TPST1: variants seen among roughly 807,000 people sequenced by gnomAD.
TPST1 encodes the protein tyrosylprotein sulfotransferase 1.
Under a neutral mutation model 34.8 loss-of-function variants are expected in TPST1, and 20 were observed. The ratio of observed to expected loss-of-function variants is 0.57; its 90% CI spans 0.40 to 0.84. TPST1 has a LOEUF of 0.84. Among genes scored for constraint, TPST1 ranks in the 40% least tolerant of loss-of-function variants. The pLI is 0.00. For synonymous variants in TPST1, 152 were observed against 159.4 expected, an observed-to-expected ratio of 0.95 and a Z score of 0.35; for missense variants, 353 against 455.5, an observed-to-expected ratio of 0.78 and a Z score of 2.05.
intron 1 of TPST1, among the ~76,000 whole-genome samples, chr7:66,228,430 A>C (rs1303626251): frequency 6.6e-6 from 1 of 152,214 alleles, no homozygotes; most frequent in East Asian, 1.9e-4. Flanking sequence ...GTGTAATTTA[A>C]AATAGTACAA....
At chr7:66,251,546 G>A (rs1790261840) in intron 2 of TPST1, among the ~76,000 whole-genome samples, 1 of 152,158 alleles carries the variant, frequency 6.6e-6, no homozygotes, top group Non-Finnish European at 1.5e-5. Flanking sequence ...AGGTAGTCTT[G>A]AAGTCATGAA....
intron 1 of TPST1, among the ~76,000 whole-genome samples, chr7:66,232,009 A>G (rs906931645): frequency 6.6e-6 from 1 of 152,212 alleles, no homozygotes; most frequent in African/African-American, 2.4e-5. Context: ...TTTTGTGGAT[A>G]TACCACATTT....
chr7:66,334,324 T>C (rs1792050814), intron 3 of TPST1, among the ~76,000 whole-genome samples: 2 of 151,998 alleles, frequency 1.3e-5, no homozygotes, highest in Admixed American at 1.3e-4. Flanking sequence ...GCATCACTCT[T>C]CCCACAAAAA....
At chr7:66,271,517 A>G (rs906248558) in intron 2 of TPST1, among the ~76,000 whole-genome samples, 2 of 152,096 alleles carry the variant, frequency 1.3e-5, no homozygotes, top group Admixed American at 6.6e-5. Context: ...CCTTTGACCT[A>G]CATCTCCCCA....
chr7:66,227,028 C>CTGTTTTTTTT (rs1789670063), intron 1 of TPST1, among the ~76,000 whole-genome samples: 1 of 69,198 alleles, frequency 1.4e-5, no homozygotes, highest in African/African-American at 6.7e-5. Context: ...TTAAAATAAG[C>CTGTTTTTTTT]TTTTTTTTTT....
chr7:66,355,230 T>C (rs1001027856), intron 4 of TPST1, among the ~76,000 whole-genome samples: 40 of 152,012 alleles, frequency 2.6e-4, no homozygotes, highest in Admixed American at 9.8e-4. Flanking sequence ...TCCCAGCACT[T>C]TGGGAGGCCA....
chr7:66,233,143 A>AT (rs1369948381), intron 1 of TPST1, among the ~76,000 whole-genome samples: 1 of 150,448 alleles, frequency 6.6e-6, no homozygotes, highest in Non-Finnish European at 1.5e-5. Flanking sequence ...ATTTTCTCCC[A>AT]TTTTTTGGTT....
At chr7:66,246,982 C>T (rs1337328353) in intron 2 of TPST1, among the ~76,000 whole-genome samples, 1 of 152,156 alleles carries the variant, frequency 6.6e-6, no homozygotes, top group East Asian at 1.9e-4. Flanking sequence ...TTATTGAGCA[C>T]CTACTATGTG....
intron 2 of TPST1, among the ~76,000 whole-genome samples, chr7:66,247,211 T>C (rs996017257): frequency 6.6e-6 from 1 of 152,198 alleles, no homozygotes; most frequent in Non-Finnish European, 1.5e-5. Flanking sequence ...GCAGATCACC[T>C]GAGGGCAGTA....
chr7:66,336,573 A>G (rs1426108892), intron 3 of TPST1, among the ~76,000 whole-genome samples: 1 of 152,202 alleles, frequency 6.6e-6, no homozygotes. Context: ...GAGCAAGAAT[A>G]AAAAAGGGTA....
chr7:66,241,052 G>A lies in TPST1; in HGVS notation c.627G>A (p.Arg209=). The A allele has an allele frequency of 1.2e-6, 2 of 1,614,160 alleles. No homozygotes were observed. Among genetic ancestry groups the A allele is most frequent in the Non-Finnish European group, 1.7e-6 (2 of 1,180,028 alleles). The change falls in exon 2 of 6, where the codon AGG becomes AGA. Residue 209 remains arginine (R), a synonymous_variant. Coordinates refer to ENST00000304842, the MANE Select transcript of TPST1 (RefSeq NM_003596.4). ...CTGGATTTGATCTGAACAGCTATAG[G>A]GACTGTTTGACAAAGTGGAATCGTG... ...TIAGFDLNSY[R]DCLTKWNRAI...
intron 2 of TPST1, among the ~76,000 whole-genome samples, chr7:66,279,935 A>G (rs967807672): frequency 1.3e-5 from 2 of 152,256 alleles, no homozygotes; most frequent in African/African-American, 4.8e-5. Flanking sequence ...TAAATGGAGC[A>G]GCACCAGCTG....
At chr7:66,345,047 A>C (rs1415948146) in intron 3 of TPST1, among the ~76,000 whole-genome samples, 1 of 152,026 alleles carries the variant, frequency 6.6e-6, no homozygotes, top group Non-Finnish European at 1.5e-5. Flanking sequence ...ATTAAAAAAA[A>C]TATGTGTATG....
chr7:66,337,609 G>A (rs984081078), intron 3 of TPST1, among the ~76,000 whole-genome samples: 3 of 151,950 alleles, frequency 2.0e-5, no homozygotes, highest in Non-Finnish European at 4.4e-5. Flanking sequence ...ATGTCCGGCC[G>A]ACAAAACTAT....
At chr7:66,353,617 C>A (rs555719273) in intron 4 of TPST1, among the ~76,000 whole-genome samples, 1 of 152,262 alleles carries the variant, frequency 6.6e-6, no homozygotes, top group Non-Finnish European at 1.5e-5. Context: ...TGCCTCTGGG[C>A]ATCACTGTCA....
intron 2 of TPST1, among the ~76,000 whole-genome samples, chr7:66,285,047 T>G (rs1367758286): frequency 6.6e-6 from 1 of 152,218 alleles, no homozygotes; most frequent in Non-Finnish European, 1.5e-5. Flanking sequence ...AACTCTTCAC[T>G]TATTCCTTAT....
At chr7:66,237,848 C>T (rs1179982548) in intron 1 of TPST1, among the ~76,000 whole-genome samples, 1 of 152,102 alleles carries the variant, frequency 6.6e-6, no homozygotes, top group African/African-American at 2.4e-5. Flanking sequence ...CAGTCTTGTT[C>T]CCGGACCAAA....
chr7:66,261,016 G>A (rs1277865473), intron 2 of TPST1, among the ~76,000 whole-genome samples: 1 of 152,104 alleles, frequency 6.6e-6, no homozygotes, highest in East Asian at 1.9e-4. Flanking sequence ...TCTCTGGCCT[G>A]AAAACTCCAA....
chr7:66,323,452 T>C (rs981676533), intron 3 of TPST1, among the ~76,000 whole-genome samples: 1 of 152,252 alleles, frequency 6.6e-6, no homozygotes, highest in African/African-American at 2.4e-5. Flanking sequence ...CCAGTGTTTT[T>C]TTCTGTGTGT....
Sources: allele counts gnomAD v4.1 joint callset (sites outside exome capture counted in the v4.1 genomes callset), GRCh38; gene constraint gnomAD v4.1.1; transcripts MANE v1.5; gene names NCBI Gene and HGNC (gene_info 2026-07-23, HGNC 2026-07-21).